The following GPHN variants were observed in gnomAD, a reference collection of about 807,000 sequenced individuals.
GPHN encodes gephyrin.
GPHN carries 17 observed loss-of-function variants against 95.5 expected under a neutral mutation model. That is an observed-to-expected ratio of 0.18 (90% CI 0.12 to 0.27). GPHN has a LOEUF of 0.27. Among genes scored for constraint, GPHN ranks in the 10% least tolerant of loss-of-function variants. GPHN has a pLI of 1.00. For missense variants in GPHN, 660 were observed against 978.1 expected (o/e 0.67, Z 4.34); for synonymous variants, 320 against 322.5 (o/e 0.99, Z 0.08).
At chr14:67,176,965 CT>C (rs760893114) in intron 21 of GPHN, among the ~76,000 whole-genome samples, 1 of 152,188 alleles carries the variant, frequency 6.6e-6, no homozygotes, top group Non-Finnish European at 1.5e-5. Flanking sequence ...ATTCTTCTCT[CT>C]TTTCTTCTTT....
At chr14:66,996,845 T>C (rs2071838950) in intron 9 of GPHN, among the ~76,000 whole-genome samples, 1 of 152,146 alleles carries the variant, frequency 6.6e-6, no homozygotes, top group East Asian at 1.9e-4. Context: ...TTTAGTAAAA[T>C]ATTTTACATG....
At chr14:67,587,137 C>G in the GPHN span, 3 of 1,613,944 alleles carry the variant, frequency 1.9e-6, no homozygotes, top group South Asian at 2.2e-5. Flanking sequence ...TGTGAACCCC[C>G]CCACCAACCC....
chr14:67,533,116 C>G, the GPHN span, among the ~76,000 whole-genome samples: 3 of 152,314 alleles, frequency 2.0e-5, 1 homozygote, highest in South Asian at 6.2e-4. Flanking sequence ...GCCCAGCGCT[C>G]TGCCTTTAAG....
chr14:66,802,767 C>T (rs888057983), intron 3 of GPHN, among the ~76,000 whole-genome samples: 3 of 152,136 alleles, frequency 2.0e-5, no homozygotes, highest in African/African-American at 4.8e-5. Flanking sequence ...GGGCCTAGAA[C>T]GAGGACCTCA....
At chr14:67,062,334 G>A (rs1215144168) in intron 11 of GPHN, among the ~76,000 whole-genome samples, 1 of 152,152 alleles carries the variant, frequency 6.6e-6, no homozygotes, top group Non-Finnish European at 1.5e-5. Flanking sequence ...GAACCAAAAG[G>A]CCTTCACATT....
At chr14:67,428,705 C>CAG in the GPHN span, among the ~76,000 whole-genome samples, 1 of 152,220 alleles carries the variant, frequency 6.6e-6, no homozygotes, top group Non-Finnish European at 1.5e-5. Context: ...AACTCAAGGC[C>CAG]AGACCCTCAC....
At chr14:67,460,495 G>A in the GPHN span, among the ~76,000 whole-genome samples, 2 of 152,174 alleles carry the variant, frequency 1.3e-5, no homozygotes, top group Non-Finnish European at 2.9e-5. Flanking sequence ...ATGAGGTCAG[G>A]AGTTCGAGAC....
At chr14:67,376,384 C>G in the GPHN span, 1 of 1,485,122 alleles carries the variant, frequency 6.7e-7, no homozygotes, top group Admixed American at 2.3e-5. Flanking sequence ...AATGTAAAAA[C>G]ATTTTTTATA....
chr14:67,735,062 C>T, the GPHN span: 12 of 692,692 alleles, frequency 1.7e-5, no homozygotes, highest in Admixed American at 2.0e-4. Flanking sequence ...TTACAACCAA[C>T]AGCAAATGAC....
At chr14:66,815,627 C>T (rs1483710238) in intron 3 of GPHN, among the ~76,000 whole-genome samples, 1 of 152,214 alleles carries the variant, frequency 6.6e-6, no homozygotes, top group Non-Finnish European at 1.5e-5. Context: ...AAATTTATTA[C>T]TACCAGACCT....
chr14:66,941,956 A>G (rs1201023776), intron 8 of GPHN, among the ~76,000 whole-genome samples: 3 of 152,164 alleles, frequency 2.0e-5, no homozygotes, highest in Non-Finnish European at 4.4e-5. Context: ...AAAAAACTCA[A>G]AAAGATTGCT....
intron 9 of GPHN, among the ~76,000 whole-genome samples, chr14:66,976,994 CTATT>C (rs541647360): frequency 1.3e-3 from 203 of 150,510 alleles, no homozygotes; most frequent in African/African-American, 4.8e-3. Context: ...AAATTGATGA[CTATT>C]TAAAAACTAT....
At chr14:67,365,413 G>A in the GPHN span, among the ~76,000 whole-genome samples, 2 of 152,188 alleles carry the variant, frequency 1.3e-5, no homozygotes, top group Non-Finnish European at 2.9e-5. Flanking sequence ...TGAAAATGGG[G>A]CAAATGGATT....
intron 4 of GPHN, among the ~76,000 whole-genome samples, chr14:66,848,298 G>C (rs2062423263): frequency 6.6e-6 from 1 of 152,024 alleles, no homozygotes; most frequent in Non-Finnish European, 1.5e-5. Context: ...ATCAAAGGTG[G>C]TAATCGCCCT....
Position 67,181,035 on chromosome 14 carries a change from A to C in GPHN, c.*98A>C. 2 of 1,163,624 alleles carry C rather than the reference A, an allele frequency of 1.7e-6. No individual in the cohort carries two copies. Among genetic ancestry groups the C allele is most frequent in the Non-Finnish European group, 2.6e-6 (2 of 778,780 alleles). The allele number at this position is 1,163,624 out of a possible 1,614,324, so 72.1% of individuals were successfully genotyped here. A position where few individuals can be genotyped will look rare whatever the true frequency, so the allele number is the denominator to read the frequency against. ...CAGCTAGTTTTCCCGATTTGGATAA[A>C]AGTTGATCTGTATAGTCAACATCTT... On this transcript the variant is annotated 3_prime_UTR_variant, in exon 23 of 23. Coordinates refer to ENST00000478722, the MANE Select transcript of GPHN (RefSeq NM_020806.5).
At chr14:67,620,936 G>A in the GPHN span, 1 of 1,614,154 alleles carries the variant, frequency 6.2e-7, no homozygotes, top group Non-Finnish European at 8.5e-7. Flanking sequence ...CATAAGAGAA[G>A]CTGGCTTGAT....
At chr14:67,630,236 C>T in the GPHN span, among the ~76,000 whole-genome samples, 124 of 152,254 alleles carry the variant, frequency 8.1e-4, no homozygotes, top group Non-Finnish European at 1.4e-3. Flanking sequence ...GATAACAGTG[C>T]CCATGGTAAG....
chr14:67,145,979 C>G (rs1407246059), intron 18 of GPHN, among the ~76,000 whole-genome samples: 1 of 152,196 alleles, frequency 6.6e-6, no homozygotes, highest in African/African-American at 2.4e-5. Context: ...TTAAGCAGCA[C>G]CAAAGCATCA....
intron 6 of GPHN, among the ~76,000 whole-genome samples, chr14:66,922,090 C>T (rs2066248726): frequency 6.6e-6 from 1 of 151,990 alleles, no homozygotes; most frequent in Non-Finnish European, 1.5e-5. Context: ...AAACCTAAGA[C>T]CTAAAACTAT....
Sources: gnomAD v4.1 joint callset for allele counts (sites outside exome capture counted in the v4.1 genomes callset) on GRCh38, gnomAD v4.1.1 for gene constraint, MANE v1.5 for transcripts, NCBI Gene and HGNC (gene_info 2026-07-23, HGNC 2026-07-21) for gene names.